GPC4: variants seen among roughly 807,000 people sequenced by gnomAD.
GPC4 encodes the protein glypican 4.
GPC4 carries 10 observed loss-of-function variants against 35.0 expected under a neutral mutation model. The observed-to-expected ratio is 0.29, with a 90% CI of 0.18 to 0.48. The LOEUF (loss-of-function observed/expected upper bound fraction) is 0.48, where lower values mean the gene tolerates loss of function less well. GPC4 is among the 20% of genes least tolerant of loss of function. The pLI, the probability that GPC4 is intolerant of heterozygous loss-of-function variation, is 0.99. For synonymous variants in GPC4, 167 were observed against 170.2 expected, an observed-to-expected ratio of 0.98 and a Z score of 0.15; for missense variants, 322 against 451.3, an observed-to-expected ratio of 0.71 and a Z score of 2.60.
intron 2 of GPC4, among the ~76,000 whole-genome samples, chrX:133,335,963 T>C (rs2068441347): frequency 9.0e-6 from 1 of 111,419 alleles, no homozygotes; most frequent in South Asian, 3.8e-4. Flanking sequence ...TGTGTCCTTT[T>C]ACTATTTCCT....
At chrX:133,335,757 GA>G (rs1005771288) in intron 2 of GPC4, among the ~76,000 whole-genome samples, 1 of 112,098 alleles carries the variant, frequency 8.9e-6, no homozygotes, top group Non-Finnish European at 1.9e-5. Context: ...TATTTTTGTT[GA>G]AAAGGTTTTT....
intron 2 of GPC4, among the ~76,000 whole-genome samples, chrX:133,337,534 C>G (rs2206622): frequency 9.0e-6 from 1 of 111,679 alleles, no homozygotes; most frequent in Non-Finnish European, 1.9e-5. Context: ...CATTGTGCTG[C>G]CAACGGGAGA....
rs1047867853 is a variant in GPC4 at position 133,302,977 on chromosome X, T to C, written c.1561A>G (p.Lys521Glu). ...CTGTCGGCTTTCTCATTGGCACTCT[T>C]CCCAGCATGGTCAGTGGCATTGTAG... ...FDYNATDHAG[K>E]SANEKADSAG... Residue 521 changes from lysine (K) to glutamate (E), a missense_variant, in exon 9 of 9, where the codon AAG becomes GAG. Around this residue, in one of 3 missense-constraint regions of GPC4, gnomAD observed 99 missense variants for 110.0 expected, o/e 0.90. Transcript: ENST00000370828. 3.1e-5 allele frequency: 38 copies of C among 1,209,665 alleles called. No individual in the cohort carries two copies. Among genetic ancestry groups the C allele is most frequent in the Non-Finnish European group, 4.1e-5 (37 of 895,128 alleles).
At chrX:133,351,903 G>A (rs996317693) in intron 1 of GPC4, among the ~76,000 whole-genome samples, 1 of 112,167 alleles carries the variant, frequency 8.9e-6, no homozygotes, top group Non-Finnish European at 1.9e-5. Context: ...CATTGTTGGT[G>A]CTTAATGCAG....
intron 2 of GPC4, among the ~76,000 whole-genome samples, chrX:133,332,825 A>G (rs2068426712): frequency 8.9e-6 from 1 of 112,495 alleles, no homozygotes; most frequent in African/African-American, 3.2e-5. Context: ...TGAACATCCT[A>G]TTAACATCGT....
At chrX:133,367,512 G>C (rs1244151469) in intron 1 of GPC4, among the ~76,000 whole-genome samples, 1 of 112,151 alleles carries the variant, frequency 8.9e-6, no homozygotes, top group Non-Finnish European at 1.9e-5. Context: ...CCTGTTCTTA[G>C]GGTGACCACA....
At chrX:133,399,632 A>T in intron 1 of GPC4, among the ~76,000 whole-genome samples, 1 of 111,943 alleles carries the variant, frequency 8.9e-6, no homozygotes, top group East Asian at 2.8e-4. Context: ...GAGTCAACCA[A>T]TTGGAATTAA....
intron 1 of GPC4, among the ~76,000 whole-genome samples, chrX:133,378,042 G>A (rs2124164240): frequency 9.2e-6 from 1 of 108,502 alleles, no homozygotes; most frequent in South Asian, 4.1e-4. Flanking sequence ...CTACAGGTGT[G>A]CACCACCACA....
chrX:133,360,921 G>A (rs756628545), intron 1 of GPC4, among the ~76,000 whole-genome samples: 4 of 111,179 alleles, frequency 3.6e-5, no homozygotes, highest in Admixed American at 1.9e-4. Flanking sequence ...AACTGATTAC[G>A]GTTTTTATCC....
intron 3 of GPC4, among the ~76,000 whole-genome samples, chrX:133,318,672 C>A (rs1459148070): frequency 8.9e-6 from 1 of 112,101 alleles, no homozygotes; most frequent in Non-Finnish European, 1.9e-5. Flanking sequence ...ATGCATGTAA[C>A]CACTTGTGCA....
chrX:133,358,873 T>C (rs763965985), intron 1 of GPC4, among the ~76,000 whole-genome samples: 237 of 111,082 alleles, frequency 2.1e-3, no homozygotes, highest in Non-Finnish European at 2.5e-3. Flanking sequence ...ATTATCCTCT[T>C]ACATTTGTGT....
intron 2 of GPC4, among the ~76,000 whole-genome samples, chrX:133,335,443 G>A (rs754674224): frequency 4.5e-5 from 5 of 110,488 alleles, no homozygotes; most frequent in Non-Finnish European, 7.6e-5. Context: ...ACCCAAATCC[G>A]AACACACACA....
In GPC4 at chrX:133,302,006, AC is replaced by A. The variant is rs768387427; in HGVS notation, c.*860del. On this transcript the variant is annotated 3_prime_UTR_variant, in exon 9 of 9. Coordinates refer to ENST00000370828, the MANE Select transcript of GPC4 (RefSeq NM_001448.3). Reference sequence around the variant, plus strand: ...TGGTTTTAAAAAAAAACACCCCTAAACCCAAGTGTGAACATGTGATAACTGG... The same window carrying A: ...TGGTTTTAAAAAAAAACACCCCTAAACCAAGTGTGAACATGTGATAACTGG... 1 of 112,058 alleles carries A rather than the reference AC, an allele frequency of 8.9e-6. No homozygotes were observed. Among genetic ancestry groups the A allele is most frequent in the Non-Finnish European group, 1.9e-5 (1 of 53,244 alleles). The allele number at this position is 112,058 out of a possible 1,213,427, so 9.2% of individuals were successfully genotyped here.
At chrX:133,359,064 G>T (rs2068554665) in intron 1 of GPC4, among the ~76,000 whole-genome samples, 3 of 111,508 alleles carry the variant, frequency 2.7e-5, no homozygotes, top group African/African-American at 9.8e-5. Flanking sequence ...ACCTGGCCTT[G>T]GTCTTGAGTA....
chrX:133,356,674 G>A (rs1263734176), intron 1 of GPC4, among the ~76,000 whole-genome samples: 2 of 111,523 alleles, frequency 1.8e-5, no homozygotes, highest in African/African-American at 3.3e-5. Context: ...CTCACCAGAA[G>A]CAGATACTGA....
At chrX:133,371,144 A>C (rs1165070390) in intron 1 of GPC4, among the ~76,000 whole-genome samples, 2 of 112,245 alleles carry the variant, frequency 1.8e-5, no homozygotes, top group African/African-American at 6.5e-5. Context: ...ACCATTAAGA[A>C]ATGAAGAAAA....
chrX:133,329,589 A>T (rs2068409866), intron 2 of GPC4, among the ~76,000 whole-genome samples: 4 of 111,047 alleles, frequency 3.6e-5, no homozygotes, highest in Non-Finnish European at 7.5e-5. Flanking sequence ...GAATGGGGAA[A>T]CCTCACCCTT....
At chrX:133,378,335 A>G (rs1318029566) in intron 1 of GPC4, among the ~76,000 whole-genome samples, 1 of 110,832 alleles carries the variant, frequency 9.0e-6, no homozygotes, top group African/African-American at 3.3e-5. Context: ...TGAGAGGCCG[A>G]GGTGGGTGGA....
intron 7 of GPC4, among the ~76,000 whole-genome samples, chrX:133,303,954 G>C (rs763786925): frequency 1.0e-4 from 11 of 108,209 alleles, no homozygotes; most frequent in African/African-American, 3.4e-4. Flanking sequence ...AGGAAGGAAG[G>C]AAGCTAGCTA....
Sources: gnomAD v4.1 joint callset for allele counts (sites outside exome capture counted in the v4.1 genomes callset) on GRCh38, gnomAD v4.1.1 for gene constraint, gnomAD v4.1.1 regional missense constraint, MANE v1.5 for transcripts, NCBI Gene and HGNC (gene_info 2026-07-23, HGNC 2026-07-21) for gene names.